CCNH: variants seen among roughly 807,000 people sequenced by gnomAD.
CCNH encodes the protein cyclin H.
Under a neutral mutation model 41.9 loss-of-function variants are expected in CCNH, and 31 were observed. The ratio of observed to expected loss-of-function variants is 0.74; its 90% CI spans 0.56 to 1.00. The LOEUF (loss-of-function observed/expected upper bound fraction) is 1.00. Among genes scored for constraint, CCNH ranks in the 50% least tolerant of loss-of-function variants. The pLI is 0.00. For missense variants in CCNH, 362 were observed against 388.4 expected, an observed-to-expected ratio of 0.93 and a Z score of 0.57; for synonymous variants, 138 against 136.1, an observed-to-expected ratio of 1.01 and a Z score of -0.10.
At chr5:87,393,197 G>A (rs778522344), downstream of CCNH, among the ~76,000 whole-genome samples, 1 of 152,084 alleles carries the variant, frequency 6.6e-6, no homozygotes, top group Non-Finnish European at 1.5e-5. Flanking sequence ...TACCTTTCTG[G>A]AAAGTACAGC....
chr5:87,401,884 A>T (rs1182015582), intron 5 of CCNH, 112 bp from the exon 6 acceptor site: 3 of 575,242 alleles, frequency 5.2e-6, no homozygotes, highest in Non-Finnish European at 8.8e-6. Flanking sequence ...AAAATTTTTA[A>T]ATTTATGAAT....
intron 5 of CCNH, among the ~76,000 whole-genome samples, chr5:87,404,104 TTATTAA>T (rs1387457087): frequency 6.6e-6 from 1 of 152,226 alleles, no homozygotes; most frequent in Admixed American, 6.5e-5. Flanking sequence ...TGCGAAATTC[TTATTAA>T]TAAGTATTCA....
chr5:87,349,463 C>T (rs1170143866), intron 9 of CCNH: 4 of 1,381,212 alleles, frequency 2.9e-6, no homozygotes, highest in Middle Eastern at 4.4e-4. Context: ...AAGTTTCTAA[C>T]TTCTAAAAAT....
intron 9 of CCNH, chr5:87,346,640 T>G: frequency 7.1e-7 from 1 of 1,412,962 alleles, no homozygotes; most frequent in East Asian, 2.3e-5. Flanking sequence ...AAAAGGACTT[T>G]ATTTATATAT....
rs190762620 is a variant in CCNH at position 87,407,877 on chromosome 5, A to G, written c.525+99T>C. ...CAGACCCACAGGTTGTATCCATGCTATAACAACGAGGATGATTATGAGTTT... is the reference window on the plus strand; with the variant it reads ...CAGACCCACAGGTTGTATCCATGCTGTAACAACGAGGATGATTATGAGTTT... On this transcript the variant is annotated intron_variant, in intron 4 of 8. Transcript: ENST00000256897. The G allele has an allele frequency of 1.4e-3, 1,208 of 882,614 alleles. 1 individual carries two copies. Among genetic ancestry groups the G allele is most frequent in the Non-Finnish European group, 1.7e-3 (944 of 554,936 alleles). 54.7% of individuals were successfully genotyped at this position (882,614 alleles called of 1,614,324 possible).
rs540333092 is a variant in CCNH at position 87,342,833 on chromosome 5, G to GT, written c.*91-23937dup. 7.2e-5 allele frequency among the ~76,000 whole-genome samples: 11 copies of GT among 152,050 alleles called. No homozygotes were observed. In the East Asian group the frequency reaches 1.2e-3, roughly 16 times the overall value. The stretch of plus-strand genomic sequence containing the variant: ...TTTCAAAAAAAGACCATAAATCTAG[G>GT]TTTTTTTATTTTAGATAATAGCAAT... On this transcript the variant is annotated intron_variant and NMD_transcript_variant, in intron 9 of 9. Transcript: ENST00000645953.
chr5:87,331,004 A>T, intron 9 of CCNH: 1 of 1,395,790 alleles, frequency 7.2e-7, no homozygotes, highest in Non-Finnish European at 9.4e-7. Flanking sequence ...AATCATTTCC[A>T]TTTGTCTATC....
chr5:87,345,506 A>C (rs1758797837), intron 9 of CCNH, among the ~76,000 whole-genome samples: 1 of 152,096 alleles, frequency 6.6e-6, no homozygotes, highest in African/African-American at 2.4e-5. Flanking sequence ...ATAGAACCTC[A>C]CTACTTGTAG....
chr5:87,410,542 A>G, intron 2 of CCNH, among the ~76,000 whole-genome samples: 1 of 152,178 alleles, frequency 6.6e-6, no homozygotes, highest in Non-Finnish European at 1.5e-5. Flanking sequence ...TAACTTTAAA[A>G]CTTAACAGAC....
At chr5:87,326,495 A>G (rs1757239418) in intron 9 of CCNH, among the ~76,000 whole-genome samples, 1 of 152,284 alleles carries the variant, frequency 6.6e-6, no homozygotes, top group East Asian at 1.9e-4. Flanking sequence ...GAAGACATGT[A>G]TGTACTTCTT....
intron 3 of CCNH, among the ~76,000 whole-genome samples, chr5:87,408,852 T>C (rs1437027080): frequency 6.6e-6 from 1 of 152,190 alleles, no homozygotes; most frequent in African/African-American, 2.4e-5. Context: ...ACTAATTTCA[T>C]TTTTAATGAT....
At chr5:87,337,819 A>G (rs1344353983) in intron 9 of CCNH, among the ~76,000 whole-genome samples, 1 of 152,152 alleles carries the variant, frequency 6.6e-6, no homozygotes, top group African/African-American at 2.4e-5. Context: ...CATGTGGATA[A>G]TGCCAGAAAT....
downstream of CCNH, among the ~76,000 whole-genome samples, chr5:87,316,452 C>T (rs1756348276): frequency 6.6e-6 from 1 of 152,220 alleles, no homozygotes; most frequent in African/African-American, 2.4e-5. Context: ...AAATACTTCA[C>T]AACCAAAGGT....
upstream of CCNH, among the ~76,000 whole-genome samples, chr5:87,377,690 T>C (rs891309059): frequency 6.6e-5 from 10 of 152,060 alleles, no homozygotes; most frequent in African/African-American, 9.7e-5. Flanking sequence ...CTTTTATAGA[T>C]AGGTAGTTCC....
chr5:87,386,772 G>C (rs1427164435), downstream of CCNH: 10 of 1,496,176 alleles, frequency 6.7e-6, no homozygotes, highest in East Asian at 2.3e-5. Context: ...CAACCTAATA[G>C]ATCAAACAGT....
chr5:87,401,618 T>C (rs1305556543), intron 6 of CCNH, 84 bp downstream of exon 6: 2 of 828,310 alleles, frequency 2.4e-6, no homozygotes, highest in Non-Finnish European at 3.8e-6. Flanking sequence ...ATCTGTTATA[T>C]TTCTAGTTAA....
chr5:87,325,070 G>C (rs983016735), intron 9 of CCNH, among the ~76,000 whole-genome samples: 14 of 152,174 alleles, frequency 9.2e-5, no homozygotes, highest in African/African-American at 3.1e-4. Flanking sequence ...TCATAGTTCC[G>C]CAGGGCTGGG....
chr5:87,341,347 G>GAA (rs35694079), intron 9 of CCNH: 3,535 of 1,182,682 alleles, frequency 3.0e-3, no homozygotes, highest in South Asian at 4.5e-3. Flanking sequence ...TTATTAAAAT[G>GAA]AAAAAAAAAA....
intron 3 of CCNH, 143 bp downstream of exon 3, chr5:87,409,147 A>C (rs1369876909): frequency 4.6e-6 from 2 of 436,056 alleles, no homozygotes; most frequent in Non-Finnish European, 4.0e-6. Context: ...AAAAAAAAAA[A>C]ATAGAATTCA....
Sources: gnomAD v4.1 joint callset for allele counts (sites outside exome capture counted in the v4.1 genomes callset) on GRCh38, gnomAD v4.1.1 for gene constraint, MANE v1.5 for transcripts, NCBI Gene and HGNC (gene_info 2026-07-23, HGNC 2026-07-21) for gene names.